ADCY8: variants seen among roughly 807,000 people sequenced by gnomAD.
ADCY8 encodes adenylate cyclase 8.
A neutral mutation model predicts 119.7 loss-of-function variants in ADCY8; 51 were observed. That is an observed-to-expected ratio of 0.43 (90% CI 0.34 to 0.54). ADCY8 has a LOEUF of 0.54. Ranked by LOEUF, ADCY8 falls within the 20% of genes least tolerant of loss-of-function variation. The pLI, the probability that ADCY8 is intolerant of heterozygous loss-of-function variation, is 0.03. For missense variants in ADCY8, 1,383 were observed against 1,598.8 expected (o/e 0.87, Z 2.30); for synonymous variants, 665 against 651.0 (o/e 1.02, Z -0.33).
chr8:130,890,045 G>C (rs1175663727), intron 7 of ADCY8, among the ~76,000 whole-genome samples: 1 of 152,038 alleles, frequency 6.6e-6, no homozygotes, highest in Non-Finnish European at 1.5e-5. Flanking sequence ...ATCTATAACT[G>C]AGTCTCCGGC....
intron 14 of ADCY8, among the ~76,000 whole-genome samples, chr8:130,803,237 A>G (rs73716263): frequency 0.17 from 26,564 of 151,962 alleles, 2,910 homozygotes; most frequent in African/African-American, 0.31. Flanking sequence ...TACCAGGCTA[A>G]CTCTTGTTTT....
chr8:130,842,322 G>A (rs1817171270), intron 11 of ADCY8, among the ~76,000 whole-genome samples: 1 of 151,938 alleles, frequency 6.6e-6, no homozygotes, highest in South Asian at 2.1e-4. Context: ...CAACAAATGT[G>A]GAAAAACTCA....
At chr8:130,983,444 C>T (rs548905131) in intron 2 of ADCY8, among the ~76,000 whole-genome samples, 1 of 152,246 alleles carries the variant, frequency 6.6e-6, no homozygotes, top group South Asian at 2.1e-4. Flanking sequence ...AAAGGCCACA[C>T]TCCAGGGGCA....
chr8:130,798,608 G>T (rs1322135660), intron 15 of ADCY8, among the ~76,000 whole-genome samples: 1 of 152,194 alleles, frequency 6.6e-6, no homozygotes, highest in Non-Finnish European at 1.5e-5. Context: ...AGGCTTCAAA[G>T]GGATGTGACA....
chr8:130,813,992 A>T, intron 14 of ADCY8, 77 bp downstream of exon 14: 1 of 1,543,418 alleles, frequency 6.5e-7, no homozygotes, highest in Non-Finnish European at 8.9e-7. Flanking sequence ...ATTCTCCCAG[A>T]GTTTGGGATC....
chr8:130,950,977 C>T (rs977954492), intron 3 of ADCY8, among the ~76,000 whole-genome samples: 8 of 152,192 alleles, frequency 5.3e-5, no homozygotes, highest in Non-Finnish European at 7.3e-5. Context: ...GGATTACAGG[C>T]GCGAGCGACC....
Position 130,780,614 on chromosome 8 carries a change from G to C in ADCY8, c.3532C>G (p.Pro1178Ala), listed in dbSNP as rs78439900. The C allele has an allele frequency of 4.3e-6, 7 of 1,614,182 alleles. No individual in the cohort carries two copies. The Admixed American group carries it at 1.0e-4, about 23-fold the overall frequency. Residue 1178 changes from proline (P) to alanine (A), a missense_variant, in exon 18 of 18, where the codon CCA becomes GCA. Transcript: ENST00000286355. ...YFLLGRVQPN[P>A]FILPPRRLPG... The stretch of plus-strand genomic sequence containing the variant: ...AGTCTTCTTGGGGGCAAGATGAATG[G>C]GTTGGGTTGGACTCTTCCCAGAAGA...
chr8:130,993,117 A>G (rs922580954), intron 1 of ADCY8, among the ~76,000 whole-genome samples: 33 of 152,212 alleles, frequency 2.2e-4, no homozygotes, highest in African/African-American at 7.7e-4. Context: ...ATATTGATAT[A>G]AAAATTTGGA....
Position 130,800,581 on chromosome 8 carries a change from A to C in ADCY8, c.2914-9T>G. ...GATTGAGAATACAGCTCCTGGACAG[A>C]GACACACAGAGGGCACCAGAAATGG... On this transcript the variant is annotated splice_polypyrimidine_tract_variant and intron_variant, in intron 14 of 17. Transcript: ENST00000286355. The C allele has an allele frequency of 6.2e-7, 1 of 1,613,712 alleles. No homozygotes were observed. Among genetic ancestry groups the C allele is most frequent in the South Asian group, 1.1e-5 (1 of 91,070 alleles).
chr8:130,903,692 GT>G, intron 7 of ADCY8, 79 bp downstream of exon 7: 1 of 1,495,712 alleles, frequency 6.7e-7, no homozygotes. Context: ...AGATGAATCA[GT>G]TTTCTCTGAG....
chr8:130,831,903 A>G (rs1198232476), intron 12 of ADCY8, among the ~76,000 whole-genome samples: 1 of 152,230 alleles, frequency 6.6e-6, no homozygotes, highest in Non-Finnish European at 1.5e-5. Context: ...GCACATATCA[A>G]GTGCTTATCA....
chr8:130,962,985 T>C (rs1315127305), intron 2 of ADCY8, among the ~76,000 whole-genome samples: 1 of 152,192 alleles, frequency 6.6e-6, no homozygotes, highest in African/African-American at 2.4e-5. Flanking sequence ...TAAGAGGGAA[T>C]ATGATGCTAT....
chr8:130,871,345 A>G lies in ADCY8; in HGVS notation c.2110-3399T>C, dbSNP rs1168741453. Among the ~76,000 whole-genome samples, 4 of 152,154 alleles carry G rather than the reference A, an allele frequency of 2.6e-5. No homozygotes were observed. In the East Asian group the frequency reaches 7.7e-4, roughly 29 times the overall value. On this transcript the variant is annotated intron_variant, in intron 8 of 17. Transcript: ENST00000286355. Reference sequence around the variant, plus strand: ...TCTCAGTTGTGAGCATGAACTAATCAAGAGCTAGATTAAGTGGATTTGAAT... The same window carrying G: ...TCTCAGTTGTGAGCATGAACTAATCGAGAGCTAGATTAAGTGGATTTGAAT...
chr8:130,925,129 C>T (rs772875413), intron 5 of ADCY8, among the ~76,000 whole-genome samples: 5 of 152,126 alleles, frequency 3.3e-5, no homozygotes, highest in Non-Finnish European at 5.9e-5. Context: ...TGCTTGAATC[C>T]GGGAGGTGGG....
chr8:130,939,644 T>A (rs1024737848), intron 4 of ADCY8, among the ~76,000 whole-genome samples: 2 of 152,210 alleles, frequency 1.3e-5, no homozygotes, highest in South Asian at 4.1e-4. Context: ...CTGTTTGACC[T>A]TGGATAAGAC....
At chr8:130,861,056 T>C (rs1462929294) in intron 9 of ADCY8, among the ~76,000 whole-genome samples, 1 of 152,238 alleles carries the variant, frequency 6.6e-6, no homozygotes, top group Non-Finnish European at 1.5e-5. Context: ...TTCTTTCTGT[T>C]CTATTGAGCG....
At chr8:130,891,372 C>A (rs1426165804) in intron 7 of ADCY8, among the ~76,000 whole-genome samples, 3 of 152,090 alleles carry the variant, frequency 2.0e-5, no homozygotes, top group Non-Finnish European at 4.4e-5. Context: ...CCAACCCAAC[C>A]CCTGGAAGAG....
intron 12 of ADCY8, among the ~76,000 whole-genome samples, chr8:130,829,375 G>A (rs145276483): frequency 6.6e-6 from 1 of 151,896 alleles, no homozygotes; most frequent in Non-Finnish European, 1.5e-5. Flanking sequence ...TTAGGAAGGG[G>A]CTGGTATCAT....
At chr8:130,794,393 C>T (rs1425247055) in intron 15 of ADCY8, among the ~76,000 whole-genome samples, 1 of 152,122 alleles carries the variant, frequency 6.6e-6, no homozygotes, top group Non-Finnish European at 1.5e-5. Context: ...TATAGGCACC[C>T]ACCAGCACGC....
Sources: allele counts gnomAD v4.1 joint callset (sites outside exome capture counted in the v4.1 genomes callset), GRCh38; gene constraint gnomAD v4.1.1; transcripts MANE v1.5; gene names NCBI Gene and HGNC (gene_info 2026-07-23, HGNC 2026-07-21).